Variants in MIA2 observed in about 807,000 individuals in gnomAD.
MIA2 encodes MIA SH3 domain ER export factor 2.
In MIA2, 127 loss-of-function variants were observed where a neutral mutation model predicts 167.8. The observed-to-expected ratio is 0.76, with a 90% CI of 0.66 to 0.88. The LOEUF (loss-of-function observed/expected upper bound fraction) is 0.88. Among genes scored for constraint, MIA2 ranks in the 40% least tolerant of loss-of-function variants. MIA2 has a pLI of 0.00. For missense variants in MIA2, 1,690 were observed against 1,624.7 expected, an observed-to-expected ratio of 1.04 and a Z score of -0.69; for synonymous variants, 552 against 541.9, an observed-to-expected ratio of 1.02 and a Z score of -0.26.
intron 6 of MIA2, chr14:39,253,522 C>T (rs1460189833): frequency 3.6e-6 from 1 of 275,390 alleles, no homozygotes; most frequent in East Asian, 1.0e-4. Flanking sequence ...GTTCCCACTA[C>T]TTAGGAGGCT....
Position 39,294,992 on chromosome 14 carries a change from T to G in MIA2, c.2459T>G (p.Leu820Trp). 1 of 1,613,824 alleles carries G rather than the reference T, an allele frequency of 6.2e-7. No individual in the cohort carries two copies. The highest frequency in any genetic ancestry group is 2.2e-5 in the East Asian group (1 of 44,872). ...ERLKIAIKDA[L>W]NENSQLQESQ... Reference sequence around the variant, plus strand: ...CTGAAGATAGCAATAAAAGATGCTTTGAATGAAAATTCTCAACTTCAGGAA... The same window carrying G: ...CTGAAGATAGCAATAAAAGATGCTTGGAATGAAAATTCTCAACTTCAGGAA... The change falls in exon 13 of 29, where the codon TTG (leucine) becomes TGG (tryptophan). Residue 820 changes from leucine to tryptophan, a missense_variant. Coordinates refer to ENST00000640607, the MANE Select transcript of MIA2 (RefSeq NM_001329214.4).
intron 25 of MIA2, among the ~76,000 whole-genome samples, chr14:39,342,449 G>T (rs1001513246): frequency 1.3e-5 from 2 of 152,062 alleles, no homozygotes; most frequent in Non-Finnish European, 2.9e-5. Flanking sequence ...CTTTGCTATT[G>T]TGAATAGTGC....
intron 26 of MIA2, 95 bp downstream of exon 26, chr14:39,346,121 A>G (rs1178211222): frequency 2.8e-6 from 3 of 1,054,402 alleles, no homozygotes; most frequent in African/African-American, 1.6e-5. Flanking sequence ...TGCTATCTCT[A>G]GTAGTTCCTA....
At chr14:39,276,056 C>CA in intron 6 of MIA2, among the ~76,000 whole-genome samples, 1 of 152,220 alleles carries the variant, frequency 6.6e-6, no homozygotes, top group East Asian at 1.9e-4. Flanking sequence ...CAAACCCCAT[C>CA]ATACTTCAGA....
chr14:39,280,164 AATATATGT>A (rs2058713298), intron 9 of MIA2, among the ~76,000 whole-genome samples: 1 of 152,016 alleles, frequency 6.6e-6, no homozygotes, highest in Non-Finnish European at 1.5e-5. Flanking sequence ...TAAGTCACTG[AATATATGT>A]GAGTCTGTTT....
chr14:39,335,783 C>A (rs2070248644), intron 25 of MIA2, among the ~76,000 whole-genome samples: 1 of 152,114 alleles, frequency 6.6e-6, no homozygotes, highest in South Asian at 2.1e-4. Flanking sequence ...CTCTGGTAGT[C>A]CCCAGTGTCT....
Position 39,348,890 on chromosome 14 carries a change from C to T in MIA2, c.3985C>T (p.Pro1329Ser), listed in dbSNP as rs140966971. Residue 1329 changes from proline to serine, a missense_variant, in exon 28 of 29, where the codon CCA becomes TCA. Transcript: ENST00000640607. ...CTTGAGAAGAGGACCTCCTTTCCCC[C>T]CACCTCCTCCAGGAGCCATGTTTGG... is the stretch of plus-strand genomic sequence containing the variant. ...PFLRRGPPFP[P>S]PPPGAMFGAS... is the part of the protein sequence containing the mutation. The T allele has an allele frequency of 2.1e-5, 34 of 1,614,002 alleles. No homozygotes were observed. The East Asian group carries it at 2.2e-4, about 11-fold the overall frequency.
chr14:39,289,604 A>AGG (rs2060452016), intron 9 of MIA2, among the ~76,000 whole-genome samples: 1 of 152,192 alleles, frequency 6.6e-6, no homozygotes, highest in Admixed American at 6.5e-5. Context: ...ACACACATTT[A>AGG]TTCTCTTAAA....
rs974152081 is a variant in MIA2 at position 39,282,171 on chromosome 14, C to G, written c.2130+2634C>G. Reference sequence around the variant, plus strand: ...ATTTTGAAGCTGTGGGTGCTGTCGTCTCTCTTCAGTGAGGATTTACTGTTG... The same window carrying G: ...ATTTTGAAGCTGTGGGTGCTGTCGTGTCTCTTCAGTGAGGATTTACTGTTG... On this transcript the variant is annotated intron_variant, in intron 9 of 28. Transcript: ENST00000640607. Among the ~76,000 whole-genome samples, 26 of 152,242 alleles carry G rather than the reference C, an allele frequency of 1.7e-4. 1 individual carries two copies. The South Asian group carries it at 4.6e-3, about 27-fold the overall frequency.
chr14:39,236,867 G>A, intron 1 of MIA2, 55 bp from the exon 2 acceptor site: 2 of 1,488,062 alleles, frequency 1.3e-6, no homozygotes, highest in Admixed American at 2.0e-5. Context: ...GATGAAAGGA[G>A]GAGAAATATC....
downstream of MIA2, among the ~76,000 whole-genome samples, chr14:39,355,772 A>C (rs2074507049): frequency 6.6e-6 from 1 of 152,120 alleles, no homozygotes; most frequent in East Asian, 1.9e-4. Context: ...AGGGCTGTTG[A>C]ATTTTGTCAA....
At chr14:39,286,369 G>A (rs1225826600) in intron 9 of MIA2, among the ~76,000 whole-genome samples, 1 of 151,904 alleles carries the variant, frequency 6.6e-6, no homozygotes, top group Non-Finnish European at 1.5e-5. Context: ...CAGGCAGGGA[G>A]GTTGCAGTGA....
rs747304823 is a variant in MIA2, at chr14:39,247,884, A to C, written c.1310A>C (p.Asp437Ala). Residue 437 changes from aspartate to alanine, a missense_variant, in exon 4 of 29, where the codon GAT becomes GCT. Physicochemically the swap from Asp to Ala is moderately radical, Grantham distance 126. Coordinates refer to ENST00000640607, the MANE Select transcript of MIA2 (RefSeq NM_001329214.4). The stretch of plus-strand genomic sequence containing the variant: ...ACGATAAAAATTATAGAAACAGAAG[A>C]TCAAATAGACAAGAAACCAGTCTCA... ...IETIKIIETE[D>A]QIDKKPVSEK... 3 of 1,589,522 alleles carry C rather than the reference A, an allele frequency of 1.9e-6. No individual in the cohort carries two copies. The highest frequency in any genetic ancestry group is 2.7e-5 in the African/African-American group (2 of 73,102).
chr14:39,325,436 T>C (rs1027549448), intron 24 of MIA2, among the ~76,000 whole-genome samples: 9 of 150,656 alleles, frequency 6.0e-5, no homozygotes, highest in East Asian at 3.9e-4. Flanking sequence ...GGCATGATCT[T>C]GGCTCACTGC....
intron 4 of MIA2, among the ~76,000 whole-genome samples, chr14:39,248,900 C>T (rs1011543790): frequency 6.6e-6 from 1 of 151,844 alleles, no homozygotes; most frequent in African/African-American, 2.4e-5. Context: ...CCAACACAGC[C>T]GCTAATTTTT....
chr14:39,349,101 T>A, intron 28 of MIA2, 124 bp downstream of exon 28: 2 of 1,224,722 alleles, frequency 1.6e-6, no homozygotes, highest in Non-Finnish European at 2.3e-6. Context: ...TCTGTGAATC[T>A]GAAAATTCTC....
chr14:39,361,437 G>GTTT (rs71130845), intron 23 of MIA2, among the ~76,000 whole-genome samples: 10 of 139,490 alleles, frequency 7.2e-5, no homozygotes, highest in Non-Finnish European at 1.2e-4. Flanking sequence ...TAGGTGTGTG[G>GTTT]TTTTTTTTTT....
At chr14:39,346,090 T>G (rs1026764463) in intron 26 of MIA2, 64 bp downstream of exon 26, 16 of 1,382,570 alleles carry the variant, frequency 1.2e-5, no homozygotes, top group Non-Finnish European at 1.0e-6. Flanking sequence ...AACTGGAAGT[T>G]AGAATAAAGA....
In MIA2 at chr14:39,248,011, G is replaced by T; in HGVS notation, c.1437G>T (p.Leu479Phe). 1 of 1,575,158 alleles carries T rather than the reference G, an allele frequency of 6.3e-7. No individual in the cohort carries two copies. Among genetic ancestry groups the T allele is most frequent in the South Asian group, 1.2e-5 (1 of 83,122 alleles). ...AGAACATTCCAAAGGAAACAGAATTGCCATTTCCCAAACAGATACTGGATC... is the reference window on the plus strand; with the variant it reads ...AGAACATTCCAAAGGAAACAGAATTTCCATTTCCCAAACAGATACTGGATC... ...NFQNIPKETE[L>F]PFPKQILDQN... Residue 479 changes from leucine (L) to phenylalanine (F), a missense_variant, in exon 4 of 29, where the codon TTG becomes TTT. Transcript: ENST00000640607.
Sources: allele counts gnomAD v4.1 joint callset (sites outside exome capture counted in the v4.1 genomes callset), GRCh38; gene constraint gnomAD v4.1.1; transcripts MANE v1.5; gene names NCBI Gene and HGNC (gene_info 2026-07-23, HGNC 2026-07-21).